The following CACNA1E variants were observed in gnomAD, a reference collection of about 807,000 sequenced individuals.
CACNA1E encodes voltage-dependent R-type calcium channel subunit alpha-1E.
In CACNA1E, 40 loss-of-function variants were observed where a neutral mutation model predicts 259.2. The ratio of observed to expected loss-of-function variants is 0.15; its 90% CI spans 0.12 to 0.20. The LOEUF (loss-of-function observed/expected upper bound fraction) is 0.20, where lower values mean the gene tolerates loss of function less well. Ranked by LOEUF, CACNA1E falls within the 10% of genes least tolerant of loss-of-function variation. The pLI is 1.00. For synonymous variants in CACNA1E, 1,104 were observed against 1,138.5 expected, an observed-to-expected ratio of 0.97 and a Z score of 0.61; for missense variants, 1,874 against 3,040.1, an observed-to-expected ratio of 0.62 and a Z score of 9.02.
chr1:181,576,800 A>G (rs1204587380), intron 3 of CACNA1E, among the ~76,000 whole-genome samples: 1 of 152,276 alleles, frequency 6.6e-6, no homozygotes, highest in Non-Finnish European at 1.5e-5. Context: ...TGCATTAGCC[A>G]CAATGTCTGT....
chr1:181,543,965 C>T (rs907463881), intron 3 of CACNA1E, among the ~76,000 whole-genome samples: 11 of 152,132 alleles, frequency 7.2e-5, no homozygotes, highest in Non-Finnish European at 1.5e-4. Context: ...AGCTATTTCA[C>T]CTCTAGAAAT....
chr1:181,468,698 T>C (rs137902278), intron 2 of CACNA1E, among the ~76,000 whole-genome samples: 2 of 152,310 alleles, frequency 1.3e-5, no homozygotes, highest in African/African-American at 4.8e-5. Context: ...ACTTTTGTCA[T>C]ATGACCACAA....
chr1:181,543,754 C>T (rs1668769794), intron 3 of CACNA1E, among the ~76,000 whole-genome samples: 1 of 152,144 alleles, frequency 6.6e-6, no homozygotes, highest in Admixed American at 6.5e-5. Flanking sequence ...ACATCATTAG[C>T]CATTAGGGAA....
chr1:181,710,611 C>T (rs902685611), intron 7 of CACNA1E, among the ~76,000 whole-genome samples: 1 of 152,176 alleles, frequency 6.6e-6, no homozygotes, highest in Non-Finnish European at 1.5e-5. Context: ...CTGTGCCCTT[C>T]AGAGGGTTAA....
At chr1:181,593,814 G>GCACT in intron 6 of CACNA1E, among the ~76,000 whole-genome samples, 1 of 152,296 alleles carries the variant, frequency 6.6e-6, no homozygotes, top group Admixed American at 6.5e-5. Flanking sequence ...TGGGATTACA[G>GCACT]GTGTGAGCTA....
At chr1:181,768,786 C>G (rs1659240107) in intron 35 of CACNA1E, among the ~76,000 whole-genome samples, 1 of 152,214 alleles carries the variant, frequency 6.6e-6, no homozygotes, top group South Asian at 2.1e-4. Flanking sequence ...GACAGAGACA[C>G]AGCACCAAGC....
At chr1:181,584,583 TG>T (rs1462696026) in intron 6 of CACNA1E, among the ~76,000 whole-genome samples, 1 of 152,248 alleles carries the variant, frequency 6.6e-6, no homozygotes, top group Non-Finnish European at 1.5e-5. Flanking sequence ...ATTCACTTTC[TG>T]TCTCATTGAG....
intron 1 of CACNA1E, among the ~76,000 whole-genome samples, chr1:181,382,716 G>A (rs570353514): frequency 1.3e-5 from 2 of 152,282 alleles, no homozygotes; most frequent in Non-Finnish European, 2.9e-5. Flanking sequence ...TCTCAAATGT[G>A]TGTGGTCCTT....
chr1:181,518,526 A>G (rs566861715), intron 3 of CACNA1E, among the ~76,000 whole-genome samples: 37 of 152,210 alleles, frequency 2.4e-4, no homozygotes, highest in Non-Finnish European at 4.4e-4. Flanking sequence ...AGAGGTGGGC[A>G]AAAGACAAAA....
At chr1:181,674,013 T>C (rs974411933) in intron 7 of CACNA1E, among the ~76,000 whole-genome samples, 2 of 152,108 alleles carry the variant, frequency 1.3e-5, no homozygotes, top group East Asian at 1.9e-4. Flanking sequence ...ATTTAGGCAA[T>C]ACAAGAGTCT....
In CACNA1E at chr1:181,436,169, A is replaced by G. The variant is rs533433760; in HGVS notation, c.434+22589A>G. Among the ~76,000 whole-genome samples the G allele has an allele frequency of 6.4e-4, 97 of 152,364 alleles. 1 individual carries two copies. The highest frequency in any genetic ancestry group is 1.2e-3 in the Non-Finnish European group (83 of 68,032). On this transcript the variant is annotated intron_variant, in intron 2 of 11. Transcript: ENST00000524607. ...AATGCAAATTTAACCACAGTGAGATATCAGTTCACACCTGTTAGAATGGCT... is the reference window on the plus strand; with the variant it reads ...AATGCAAATTTAACCACAGTGAGATGTCAGTTCACACCTGTTAGAATGGCT...
intron 1 of CACNA1E, among the ~76,000 whole-genome samples, chr1:181,361,536 G>T (rs1286305091): frequency 6.6e-6 from 1 of 152,086 alleles, no homozygotes. Context: ...TTGCTAGAGG[G>T]CTGGCCCTGG....
At chr1:181,380,219 A>G (rs887380398) in intron 1 of CACNA1E, among the ~76,000 whole-genome samples, 1 of 151,944 alleles carries the variant, frequency 6.6e-6, no homozygotes, top group African/African-American at 2.4e-5. Flanking sequence ...GTCAGATTGG[A>G]TAAAACAAGA....
chr1:181,660,655 G>C (rs1321072672), intron 7 of CACNA1E, among the ~76,000 whole-genome samples: 8 of 152,168 alleles, frequency 5.3e-5, no homozygotes, highest in Non-Finnish European at 1.2e-4. Flanking sequence ...TCCCATGCCT[G>C]ACCTGAGACA....
intron 2 of CACNA1E, among the ~76,000 whole-genome samples, chr1:181,461,276 T>C (rs1178043160): frequency 6.6e-6 from 1 of 152,152 alleles, no homozygotes; most frequent in African/African-American, 2.4e-5. Flanking sequence ...GCGCAGTGGC[T>C]CACGCCTGTA....
intron 1 of CACNA1E, among the ~76,000 whole-genome samples, chr1:181,367,195 G>A (rs1654336801): frequency 6.6e-6 from 1 of 152,198 alleles, no homozygotes; most frequent in Non-Finnish European, 1.5e-5. Context: ...TCGCTCATCA[G>A]GATCAAGGCA....
intron 1 of CACNA1E, among the ~76,000 whole-genome samples, chr1:181,379,580 A>G (rs760992123): frequency 6.6e-5 from 10 of 152,178 alleles, no homozygotes; most frequent in Admixed American, 1.3e-4. Context: ...GTGTCTGGTG[A>G]GGTCTCACTT....
chr1:181,541,892 C>T (rs1333259059), intron 3 of CACNA1E, among the ~76,000 whole-genome samples: 2 of 152,168 alleles, frequency 1.3e-5, no homozygotes, highest in Non-Finnish European at 2.9e-5. Flanking sequence ...CCCTTGCTCC[C>T]CACCATTGTA....
chr1:181,437,408 C>T (rs1660165839), intron 2 of CACNA1E, among the ~76,000 whole-genome samples: 1 of 152,056 alleles, frequency 6.6e-6, no homozygotes, highest in South Asian at 2.1e-4. Context: ...GCCTCTTTAT[C>T]CTCGGTCCCA....
Sources: allele counts gnomAD v4.1 joint callset (sites outside exome capture counted in the v4.1 genomes callset), GRCh38; gene constraint gnomAD v4.1.1; transcripts MANE v1.5; gene names NCBI Gene and HGNC (gene_info 2026-07-23, HGNC 2026-07-21).